Variants in ANKS1B observed in about 807,000 individuals in gnomAD.
ANKS1B encodes ankyrin repeat and sterile alpha motif domain containing 1B.
Under a neutral mutation model 148.3 loss-of-function variants are expected in ANKS1B, and 36 were observed. The observed-to-expected ratio is 0.24, with a 90% CI of 0.19 to 0.32. ANKS1B has a LOEUF of 0.32. Among genes scored for constraint, ANKS1B ranks in the 10% least tolerant of loss-of-function variants. ANKS1B has a pLI of 1.00. For missense variants in ANKS1B, 1,157 were observed against 1,542.6 expected, an observed-to-expected ratio of 0.75 and a Z score of 4.19; for synonymous variants, 542 against 560.8, an observed-to-expected ratio of 0.97 and a Z score of 0.47.
At chr12:99,382,624 G>A (rs576949672) in intron 12 of ANKS1B, among the ~76,000 whole-genome samples, 1 of 151,064 alleles carries the variant, frequency 6.6e-6, no homozygotes, top group Non-Finnish European at 1.5e-5. Context: ...CTTGAACTTG[G>A]GAGATGGAGT....
At chr12:99,921,148 C>G (rs1213073190) in intron 1 of ANKS1B, among the ~76,000 whole-genome samples, 1 of 152,038 alleles carries the variant, frequency 6.6e-6, no homozygotes, top group Admixed American at 6.6e-5. Flanking sequence ...AATTGTAATC[C>G]CCATGTGTCG....
At chr12:99,282,849 A>G (rs141975185) in intron 12 of ANKS1B, among the ~76,000 whole-genome samples, 191 of 152,300 alleles carry the variant, frequency 1.3e-3, no homozygotes, top group African/African-American at 4.4e-3. Flanking sequence ...ATTCAAATGG[A>G]GAGGTCAAAT....
intron 17 of ANKS1B, among the ~76,000 whole-genome samples, chr12:98,928,580 A>G (rs931323105): frequency 2.0e-5 from 3 of 152,030 alleles, no homozygotes; most frequent in African/African-American, 7.2e-5. Context: ...AAGAATTATA[A>G]CCATGATCAA....
At position 99,855,261 on chromosome 12, in the gene ANKS1B, T is replaced by G. The variant is rs1292370093; in HGVS notation, c.135-29872A>C. 2.0e-5 allele frequency among the ~76,000 whole-genome samples: 3 copies of G among 152,070 alleles called. 1 individual carries two copies. Among genetic ancestry groups the G allele is most frequent in the Non-Finnish European group, 4.4e-5 (3 of 67,956 alleles). ...AGTGAACAGGAGTAACTAATATATA[T>G]TCTTATATTCAATATATATTCTTAT... On this transcript the variant is annotated intron_variant, in intron 1 of 26. Transcript: ENST00000683438.
intron 17 of ANKS1B, among the ~76,000 whole-genome samples, chr12:98,907,157 T>C (rs892443869): frequency 1.3e-5 from 2 of 152,288 alleles, no homozygotes; most frequent in Admixed American, 6.5e-5. Flanking sequence ...CCTGAACTTA[T>C]TCATAACTGC....
chr12:98,757,940 G>GTGTGTGTGTGTGTGTGCACA (rs1214177485), intron 25 of ANKS1B, among the ~76,000 whole-genome samples: 7 of 54,954 alleles, frequency 1.3e-4, no homozygotes, highest in Non-Finnish European at 2.2e-4. Context: ...GTGTGCACGT[G>GTGTGTGTGTGTGTGTGCACA]TGTGTGTGTG....
intron 4 of ANKS1B, among the ~76,000 whole-genome samples, chr12:99,801,848 G>C (rs1026093167): frequency 6.6e-6 from 1 of 152,120 alleles, no homozygotes. Context: ...AAACCTAAAA[G>C]GTTCATTTAA....
In ANKS1B at chr12:99,256,116, G is replaced by A. The variant is rs551345020; in HGVS notation, c.1757-9252C>T. On this transcript the variant is annotated intron_variant, in intron 12 of 26. Transcript: ENST00000683438. ...AATACAAAAATCAACTGGCTGTGGT[G>A]GTGCGTGCCTATAATCCTAGCTACT... Among the ~76,000 whole-genome samples the A allele has an allele frequency of 2.6e-5, 4 of 152,038 alleles. No individual in the cohort carries two copies. In the South Asian group the frequency reaches 8.3e-4, roughly 32 times the overall value.
chr12:99,361,550 AT>A (rs1386231330), intron 12 of ANKS1B, among the ~76,000 whole-genome samples: 3 of 152,226 alleles, frequency 2.0e-5, no homozygotes, highest in Admixed American at 1.3e-4. Context: ...ATTTCTCAGA[AT>A]TAGTAAGTGT....
chr12:99,665,996 A>C (rs2098504903), intron 8 of ANKS1B, among the ~76,000 whole-genome samples: 1 of 152,142 alleles, frequency 6.6e-6, no homozygotes, highest in South Asian at 2.1e-4. Context: ...GTACAGCATG[A>C]GGTAAAGGTT....
At chr12:99,553,803 A>G (rs573714761) in intron 9 of ANKS1B, among the ~76,000 whole-genome samples, 18 of 152,250 alleles carry the variant, frequency 1.2e-4, no homozygotes, top group African/African-American at 4.1e-4. Flanking sequence ...TTGTAGTTGC[A>G]GTGGAATTGA....
chr12:99,732,235 C>T lies in ANKS1B; in HGVS notation c.1128+40687G>A, dbSNP rs1256331794. On this transcript the variant is annotated intron_variant, in intron 8 of 26. Coordinates refer to ENST00000683438, the MANE Select transcript of ANKS1B (RefSeq NM_001352186.2). ...AATACGGTACAGCCACTTTGGAAAG[C>T]AGTTTGGCAATTTCTCCAAAAGTTA... 2.0e-5 allele frequency among the ~76,000 whole-genome samples: 3 copies of T among 152,136 alleles called. No individual in the cohort carries two copies. In the East Asian group the frequency reaches 5.8e-4, roughly 29 times the overall value.
exon 10 of ANKS1B, chr12:98,735,267 G>GACTT (rs1406868773): frequency 5.0e-6 from 2 of 399,448 alleles, no homozygotes; most frequent in Non-Finnish European, 8.8e-6. Flanking sequence ...AATTACATTG[G>GACTT]ACTTCATATA....
At chr12:98,746,564 A>T (rs749099788) in intron 26 of ANKS1B, among the ~76,000 whole-genome samples, 23 of 152,084 alleles carry the variant, frequency 1.5e-4, no homozygotes, top group Non-Finnish European at 2.6e-4. Context: ...ATTCCTGACA[A>T]TACTTATTGC....
At chr12:99,263,594 C>T (rs1781814991) in intron 12 of ANKS1B, among the ~76,000 whole-genome samples, 1 of 152,072 alleles carries the variant, frequency 6.6e-6, no homozygotes, top group African/African-American at 2.4e-5. Context: ...TGGTTTGGCT[C>T]TGTGTCCCTA....
Position 99,625,703 on chromosome 12 carries a change from C to T in ANKS1B, c.1272+29364G>A, listed in dbSNP as rs556936513. 4.6e-5 allele frequency among the ~76,000 whole-genome samples: 7 copies of T among 152,070 alleles called. 1 individual carries two copies. The South Asian group carries it at 1.5e-3, about 32-fold the overall frequency. Reference sequence around the variant, plus strand: ...CATGATAACAATGCAGCTGGTGTAACTTAATATATGCAAATAAATATAAAT... The same window carrying T: ...CATGATAACAATGCAGCTGGTGTAATTTAATATATGCAAATAAATATAAAT... On this transcript the variant is annotated intron_variant, in intron 9 of 26. Transcript: ENST00000683438.
chr12:98,785,653 C>T (rs74455021), intron 22 of ANKS1B, among the ~76,000 whole-genome samples: 85 of 152,126 alleles, frequency 5.6e-4, no homozygotes, highest in African/African-American at 1.9e-3. Context: ...CCCTCCTTCC[C>T]CATTTTCTCT....
intron 1 of ANKS1B, among the ~76,000 whole-genome samples, chr12:99,885,668 G>A (rs1311013153): frequency 1.3e-5 from 2 of 151,928 alleles, no homozygotes; most frequent in African/African-American, 4.8e-5. Context: ...ATTTTGTAGT[G>A]GTGAAGTCTG....
intron 12 of ANKS1B, among the ~76,000 whole-genome samples, chr12:99,373,561 G>A (rs1384955532): frequency 6.6e-6 from 1 of 152,024 alleles, no homozygotes; most frequent in Admixed American, 6.6e-5. Flanking sequence ...ACAACACAAA[G>A]GCTGAAATTT....
Sources: allele counts gnomAD v4.1 joint callset (sites outside exome capture counted in the v4.1 genomes callset), GRCh38; gene constraint gnomAD v4.1.1; transcripts MANE v1.5; gene names NCBI Gene and HGNC (gene_info 2026-07-23, HGNC 2026-07-21).